DNAH8: variants seen among roughly 807,000 people sequenced by gnomAD.
The protein encoded by DNAH8 is axonemal beta dynein heavy chain 8.
Under a neutral mutation model 562.1 loss-of-function variants are expected in DNAH8, and 382 were observed. The ratio of observed to expected loss-of-function variants is 0.68; its 90% CI spans 0.63 to 0.74. The LOEUF is 0.74. Ranked by LOEUF, DNAH8 falls within the 30% of genes least tolerant of loss-of-function variation. The pLI is 0.00. For missense variants in DNAH8, 5,203 were observed against 5,620.4 expected (o/e 0.93, Z 2.37); for synonymous variants, 1,881 against 1,919.4 (o/e 0.98, Z 0.52).
In DNAH8 at chr6:38,807,600, C is replaced by A; in HGVS notation, c.3151-10C>A. The A allele has an allele frequency of 7.1e-7, 1 of 1,416,984 alleles. No individual in the cohort carries two copies. The highest frequency in any genetic ancestry group is 1.7e-5 in the South Asian group (1 of 58,290). 87.8% of individuals were successfully genotyped at this position (1,416,984 alleles called of 1,614,324 possible). A position where few individuals can be genotyped will look rare whatever the true frequency, so the allele number is the denominator to read the frequency against. On this transcript the variant is annotated splice_polypyrimidine_tract_variant and intron_variant, in intron 23 of 92. Coordinates refer to ENST00000327475, the MANE Select transcript of DNAH8 (RefSeq NM_001206927.2). The stretch of plus-strand genomic sequence containing the variant: ...AGAGATACCAAATTTAATCTGATTT[C>A]TTATTACAGGAGTGTAAAGAGGTCT...
At chr6:38,936,654 G>A (rs1019090044) in intron 77 of DNAH8, among the ~76,000 whole-genome samples, 2 of 152,114 alleles carry the variant, frequency 1.3e-5, no homozygotes, top group Admixed American at 1.3e-4. Context: ...TCTGTTTCTT[G>A]GTCCAGTGAC....
chr6:38,752,361 G>A (rs937484339), intron 9 of DNAH8, among the ~76,000 whole-genome samples: 3 of 152,146 alleles, frequency 2.0e-5, no homozygotes, highest in East Asian at 1.9e-4. Flanking sequence ...ACAAGGTTTC[G>A]CCACATTGGC....
chr6:39,011,012 A>C (rs58781614), intron 89 of DNAH8, among the ~76,000 whole-genome samples: 2,620 of 151,468 alleles, frequency 0.017, 65 homozygotes, highest in African/African-American at 0.058. Context: ...TGCGTTAGGG[A>C]CCTCCACTGG....
intron 69 of DNAH8, among the ~76,000 whole-genome samples, chr6:38,917,693 A>G (rs1258863571): frequency 1.3e-5 from 2 of 152,200 alleles, no homozygotes; most frequent in African/African-American, 2.4e-5. Flanking sequence ...ATTCAGATGC[A>G]CTTACCAGAA....
intron 70 of DNAH8, among the ~76,000 whole-genome samples, chr6:38,918,780 G>A (rs1223238289): frequency 3.3e-5 from 5 of 152,132 alleles, no homozygotes; most frequent in Non-Finnish European, 7.4e-5. Context: ...TTCATGAAAT[G>A]TATCACTCAG....
chr6:39,016,384 T>C (rs1212352450), intron 91 of DNAH8, among the ~76,000 whole-genome samples: 3 of 151,988 alleles, frequency 2.0e-5, no homozygotes, highest in Non-Finnish European at 4.4e-5. Flanking sequence ...ACCCCGTCTC[T>C]ACTAAAAATA....
intron 54 of DNAH8, 41 bp downstream of exon 54, chr6:38,883,093 C>T: frequency 2.0e-6 from 3 of 1,508,958 alleles, no homozygotes; most frequent in Non-Finnish European, 2.7e-6. Context: ...CACAAACCAT[C>T]CATGGCCACG....
At chr6:38,912,110 C>T (rs1274793475) in intron 66 of DNAH8, among the ~76,000 whole-genome samples, 1 of 152,092 alleles carries the variant, frequency 6.6e-6, no homozygotes, top group East Asian at 1.9e-4. Context: ...ATTATATGTC[C>T]AGAAAGCATG....
At chr6:38,815,234 T>TA (rs1288945061) in intron 25 of DNAH8, among the ~76,000 whole-genome samples, 1 of 152,234 alleles carries the variant, frequency 6.6e-6, no homozygotes, top group African/African-American at 2.4e-5. Flanking sequence ...ATTAAAAAGT[T>TA]ACGTCCGCAT....
chr6:38,988,490 G>A (rs889352057), intron 87 of DNAH8, among the ~76,000 whole-genome samples: 7 of 152,236 alleles, frequency 4.6e-5, no homozygotes, highest in Non-Finnish European at 8.8e-5. Flanking sequence ...AGTCATCCAC[G>A]TCGTGAAAAA....
intron 68 of DNAH8, among the ~76,000 whole-genome samples, chr6:38,916,273 G>A (rs1460560458): frequency 6.6e-6 from 1 of 152,030 alleles, no homozygotes; most frequent in African/African-American, 2.4e-5. Flanking sequence ...ACCTTTAAAC[G>A]TGCCTCCACC....
At chr6:38,964,591 G>T (rs553130070) in intron 82 of DNAH8, among the ~76,000 whole-genome samples, 2 of 151,718 alleles carry the variant, frequency 1.3e-5, no homozygotes, top group South Asian at 4.2e-4. Flanking sequence ...GTTTAATCTA[G>T]TGCTATTTAT....
In DNAH8 at chr6:38,715,903, A is replaced by AAAATAAATAAATAAATAAAT. The variant is rs767028862; in HGVS notation, c.-35+494_-35+513dup. On this transcript the variant is annotated intron_variant, in intron 1 of 92. Transcript: ENST00000327475. The stretch of plus-strand genomic sequence containing the variant: ...AACCACCTGTACCCGAAAAGCTATT[A>AAAATAAATAAATAAATAAAT]AAATAAATAAATAAATAAATAAATA... 1.5e-3 allele frequency among the ~76,000 whole-genome samples: 95 copies of AAAATAAATAAATAAATAAAT among 65,160 alleles called. 3 individuals carry two copies. Among genetic ancestry groups the AAAATAAATAAATAAATAAAT allele is most frequent in the Admixed American group, 2.1e-3 (11 of 5,170 alleles). The allele number at this position is 65,160 out of a possible 152,430, so 42.7% of individuals were successfully genotyped here.
chr6:38,746,135 G>A (rs1233816924), intron 8 of DNAH8, among the ~76,000 whole-genome samples: 1 of 152,142 alleles, frequency 6.6e-6, no homozygotes, highest in Non-Finnish European at 1.5e-5. Flanking sequence ...GAATTCTTAT[G>A]TAAGAAAATG....
Position 38,842,513 on chromosome 6 carries a change from T to G in DNAH8, c.4604+8T>G. ...GCTGGAATTTCAAAACAGGTGAGTTTCAATGGAATTTTTTATAATGCCTGT... is the reference window on the plus strand; with the variant it reads ...GCTGGAATTTCAAAACAGGTGAGTTGCAATGGAATTTTTTATAATGCCTGT... On this transcript the variant is annotated splice_region_variant and intron_variant, in intron 34 of 92. Coordinates refer to ENST00000327475, the MANE Select transcript of DNAH8 (RefSeq NM_001206927.2). 1 of 1,608,338 alleles carries G rather than the reference T, an allele frequency of 6.2e-7. No homozygotes were observed. The highest frequency in any genetic ancestry group is 8.5e-7 in the Non-Finnish European group (1 of 1,178,524).
intron 79 of DNAH8, among the ~76,000 whole-genome samples, chr6:38,941,111 T>C (rs566041270): frequency 2.0e-5 from 3 of 150,892 alleles, no homozygotes; most frequent in East Asian, 3.9e-4. Context: ...AGAGTGAGAC[T>C]CTGTCTCAGA....
chr6:38,896,262 T>G, intron 60 of DNAH8, 37 bp downstream of exon 60: 1 of 1,524,668 alleles, frequency 6.6e-7, no homozygotes, highest in East Asian at 2.3e-5. Context: ...GTTTTCAGAT[T>G]GCTCACCTGA....
intron 36 of DNAH8, among the ~76,000 whole-genome samples, chr6:38,847,497 T>C (rs148854482): frequency 6.6e-6 from 1 of 152,244 alleles, no homozygotes; most frequent in African/African-American, 2.4e-5. Context: ...GGAAAAATGC[T>C]TCTTACTGCC....
chr6:38,932,360 T>C (rs1782622212), intron 76 of DNAH8, among the ~76,000 whole-genome samples: 1 of 152,190 alleles, frequency 6.6e-6, no homozygotes, highest in African/African-American at 2.4e-5. Context: ...TTCTTTCCAC[T>C]GTAGTAGTTT....
Sources: allele counts gnomAD v4.1 joint callset (sites outside exome capture counted in the v4.1 genomes callset), GRCh38; gene constraint gnomAD v4.1.1; transcripts MANE v1.5; gene names NCBI Gene and HGNC (gene_info 2026-07-23, HGNC 2026-07-21).